Variants in SUPT3H observed in about 807,000 individuals in gnomAD.
SUPT3H encodes the protein transcription initiation protein SPT3 homolog.
Under a neutral mutation model 44.3 loss-of-function variants are expected in SUPT3H, and 44 were observed. That is an observed-to-expected ratio of 0.99 (90% CI 0.78 to 1.28). SUPT3H has a LOEUF of 1.28. Ranked by LOEUF, SUPT3H falls within the 50% of genes most tolerant of loss-of-function variation. The probability of loss-of-function intolerance (pLI) is 0.00; values close to 1 mark genes in which losing one functional copy is unlikely to be tolerated. For synonymous variants in SUPT3H, 124 were observed against 125.6 expected, an observed-to-expected ratio of 0.99 and a Z score of 0.09; for missense variants, 380 against 387.1, an observed-to-expected ratio of 0.98 and a Z score of 0.15.
intron 2 of SUPT3H, chr6:45,328,597 A>C: frequency 6.3e-7 from 1 of 1,592,782 alleles, no homozygotes; most frequent in Non-Finnish European, 8.5e-7. Flanking sequence ...ATAAATATAA[A>C]GTCTATGTAC....
At chr6:45,009,389 C>T (rs1745201831) in intron 5 of SUPT3H, among the ~76,000 whole-genome samples, 1 of 152,066 alleles carries the variant, frequency 6.6e-6, no homozygotes, top group Non-Finnish European at 1.5e-5. Context: ...GCTTTGCCTC[C>T]TCCAAAGTCA....
intron 2 of SUPT3H, among the ~76,000 whole-genome samples, chr6:45,111,968 G>A (rs1206426087): frequency 6.9e-6 from 1 of 145,678 alleles, no homozygotes; most frequent in African/African-American, 2.8e-5. Flanking sequence ...GGAAAAGTCA[G>A]TAACCATGAA....
intron 2 of SUPT3H, among the ~76,000 whole-genome samples, chr6:45,337,889 G>C (rs540840312): frequency 6.6e-6 from 1 of 151,908 alleles, no homozygotes; most frequent in Admixed American, 6.6e-5. Context: ...TAGAGAAAAA[G>C]TATATTTAAG....
At chr6:44,869,728 C>A (rs1283966847) in intron 10 of SUPT3H, among the ~76,000 whole-genome samples, 1 of 152,194 alleles carries the variant, frequency 6.6e-6, no homozygotes, top group Admixed American at 6.5e-5. Context: ...GAAGATATAG[C>A]ATAATTATCT....
intron 6 of SUPT3H, among the ~76,000 whole-genome samples, chr6:45,003,225 A>T (rs1032759799): frequency 6.6e-6 from 1 of 152,158 alleles, no homozygotes; most frequent in African/African-American, 2.4e-5. Context: ...TAGTAAGTCC[A>T]ATCAGAGCCT....
intron 2 of SUPT3H, among the ~76,000 whole-genome samples, chr6:45,116,352 TTC>T (rs565499828): frequency 6.6e-6 from 1 of 152,044 alleles, no homozygotes; most frequent in Non-Finnish European, 1.5e-5. Flanking sequence ...CTGCGCACGT[TTC>T]TCTCTCTCTC....
chr6:44,864,795 G>C (rs1775229931), intron 10 of SUPT3H, among the ~76,000 whole-genome samples: 1 of 152,198 alleles, frequency 6.6e-6, no homozygotes, highest in Non-Finnish European at 1.5e-5. Context: ...TGATGGGAAG[G>C]GCTGCCATGA....
intron 2 of SUPT3H, among the ~76,000 whole-genome samples, chr6:45,287,862 A>T (rs1347823199): frequency 6.6e-6 from 1 of 152,182 alleles, no homozygotes; most frequent in Admixed American, 6.5e-5. Flanking sequence ...ACTTATCCTA[A>T]AAATTACTTA....
intron 3 of SUPT3H, among the ~76,000 whole-genome samples, chr6:45,093,857 A>G (rs931668418): frequency 6.6e-6 from 1 of 152,164 alleles, no homozygotes; most frequent in African/African-American, 2.4e-5. Flanking sequence ...AAAAAACCTA[A>G]TATGATTTTC....
intron 10 of SUPT3H, among the ~76,000 whole-genome samples, chr6:44,869,495 C>T (rs941507503): frequency 2.0e-5 from 3 of 152,144 alleles, no homozygotes; most frequent in Non-Finnish European, 4.4e-5. Flanking sequence ...TGAAAATCAG[C>T]ACGTATGTAG....
At chr6:45,174,422 TAA>T (rs761701733) in intron 2 of SUPT3H, among the ~76,000 whole-genome samples, 3 of 152,206 alleles carry the variant, frequency 2.0e-5, no homozygotes, top group Non-Finnish European at 4.4e-5. Context: ...TATATTATTA[TAA>T]AAGATTCTGA....
chr6:45,177,490 ACT>A (rs1362516365), intron 2 of SUPT3H, among the ~76,000 whole-genome samples: 4 of 152,190 alleles, frequency 2.6e-5, no homozygotes, highest in African/African-American at 4.8e-5. Flanking sequence ...GTTGGAAAAC[ACT>A]CTGCAGGATA....
At chr6:45,248,204 C>A (rs1308401422) in intron 2 of SUPT3H, among the ~76,000 whole-genome samples, 1 of 150,138 alleles carries the variant, frequency 6.7e-6, no homozygotes, top group Non-Finnish European at 1.5e-5. Flanking sequence ...AGATATAATA[C>A]CAAAACCATG....
intron 2 of SUPT3H, among the ~76,000 whole-genome samples, chr6:45,149,981 C>A (rs999409283): frequency 4.6e-5 from 7 of 150,568 alleles, no homozygotes; most frequent in African/African-American, 1.7e-4. Flanking sequence ...AAAAAAGGTC[C>A]AGGCTACATA....
intron 2 of SUPT3H, among the ~76,000 whole-genome samples, chr6:45,246,967 A>G (rs969900149): frequency 2.0e-5 from 3 of 152,168 alleles, no homozygotes; most frequent in Non-Finnish European, 2.9e-5. Context: ...GGAAAGATAT[A>G]ATTGAGACAG....
chr6:44,870,552 C>A (rs1776213094), intron 10 of SUPT3H, among the ~76,000 whole-genome samples: 1 of 144,794 alleles, frequency 6.9e-6, no homozygotes. Context: ...CGAGCCGGGA[C>A]TGTGCTACTA....
intron 3 of SUPT3H, among the ~76,000 whole-genome samples, chr6:45,091,605 T>G (rs1408949290): frequency 6.6e-6 from 1 of 152,162 alleles, no homozygotes; most frequent in Non-Finnish European, 1.5e-5. Context: ...TTCTTCAGTT[T>G]CTAAACCTAT....
In SUPT3H at chr6:44,905,124, T is replaced by A. The variant is rs1582397235; in HGVS notation, c.912+27529A>T. On this transcript the variant is annotated intron_variant, in intron 10 of 10. Transcript: ENST00000371459. ...CATAGGCATGGGCAAGGACTTCATGTCTAAAACACCAAAAGCAATGGCAAC... is the reference window on the plus strand; with the variant it reads ...CATAGGCATGGGCAAGGACTTCATGACTAAAACACCAAAAGCAATGGCAAC... Among the ~76,000 whole-genome samples the A allele has an allele frequency of 2.6e-5, 4 of 151,924 alleles. No homozygotes were observed. The South Asian group carries it at 8.3e-4, about 32-fold the overall frequency.
intron 10 of SUPT3H, among the ~76,000 whole-genome samples, chr6:44,929,288 A>T (rs1770155355): frequency 6.6e-6 from 1 of 152,174 alleles, no homozygotes; most frequent in African/African-American, 2.4e-5. Context: ...AGACAGAAAG[A>T]TGACTCGCTA....
Sources: allele counts gnomAD v4.1 joint callset (sites outside exome capture counted in the v4.1 genomes callset), GRCh38; gene constraint gnomAD v4.1.1; transcripts MANE v1.5; gene names NCBI Gene and HGNC (gene_info 2026-07-23, HGNC 2026-07-21).